Variants in ADAM19 observed in about 807,000 individuals in gnomAD.
ADAM19 encodes the protein ADAM metallopeptidase domain 19, also known as disintegrin and metalloproteinase domain-containing protein 19.
In ADAM19, 65 loss-of-function variants were observed where a neutral mutation model predicts 114.7. That is an observed-to-expected ratio of 0.57 (90% CI 0.46 to 0.70). ADAM19 has a LOEUF of 0.70. Ranked by LOEUF, ADAM19 falls within the 30% of genes least tolerant of loss-of-function variation. The probability of loss-of-function intolerance (pLI) is 0.00; values close to 1 mark genes in which losing one functional copy is unlikely to be tolerated. For synonymous variants in ADAM19, 466 were observed against 460.5 expected (o/e 1.01, Z -0.15); for missense variants, 1,063 against 1,204.7 (o/e 0.88, Z 1.74).
At position 157,564,324 on chromosome 5, in the gene ADAM19, G is replaced by C. The variant is rs775465408; in HGVS notation, c.251+49C>G. 52 of 1,564,676 alleles carry C rather than the reference G, an allele frequency of 3.3e-5. 1 individual carries two copies. In the South Asian group the frequency reaches 5.3e-4, roughly 16 times the overall value. On this transcript the variant is annotated intron_variant, in intron 3 of 22. Coordinates refer to ENST00000257527, the MANE Select transcript of ADAM19 (RefSeq NM_033274.5). Reference sequence around the variant, plus strand: ...AACAGCGACACCTGCGTCCGGCGTTGACACAGAAGTTATTTGTTTCATTTT... The same window carrying C: ...AACAGCGACACCTGCGTCCGGCGTTCACACAGAAGTTATTTGTTTCATTTT...
At chr5:157,567,302 C>T (rs369779913) in intron 2 of ADAM19, among the ~76,000 whole-genome samples, 2 of 152,192 alleles carry the variant, frequency 1.3e-5, no homozygotes, top group Non-Finnish European at 2.9e-5. Flanking sequence ...ACATTTCAAA[C>T]CCACCGAAGT....
intron 5 of ADAM19, among the ~76,000 whole-genome samples, chr5:157,529,296 G>C (rs950115551): frequency 4.7e-5 from 7 of 149,822 alleles, no homozygotes; most frequent in African/African-American, 1.7e-4. Flanking sequence ...TGAGATACCA[G>C]GTTTTTTAGA....
At chr5:157,530,167 C>T (rs1756584944) in intron 5 of ADAM19, among the ~76,000 whole-genome samples, 1 of 152,222 alleles carries the variant, frequency 6.6e-6, no homozygotes, top group Non-Finnish European at 1.5e-5. Flanking sequence ...TTCCCAGCTA[C>T]CTTGCCTTTC....
intron 8 of ADAM19, among the ~76,000 whole-genome samples, chr5:157,511,450 C>T (rs1055063052): frequency 7.9e-5 from 12 of 152,194 alleles, no homozygotes; most frequent in Non-Finnish European, 1.3e-4. Flanking sequence ...TTCAGTGCTG[C>T]AGTACCTACA....
intron 21 of ADAM19, among the ~76,000 whole-genome samples, 161 bp downstream of exon 21, chr5:157,488,104 C>T (rs372386464): frequency 3.3e-5 from 5 of 152,154 alleles, no homozygotes; most frequent in South Asian, 4.1e-4. Flanking sequence ...TCCCCACGTT[C>T]GTTGCTCTAA....
chr5:157,477,828 C>T lies in ADAM19; in HGVS notation c.*3121G>A. 1 of 840,250 alleles carries T rather than the reference C, an allele frequency of 1.2e-6. No individual in the cohort carries two copies. The highest frequency in any genetic ancestry group is 1.7e-6 in the Non-Finnish European group (1 of 582,134). 52.0% of individuals were successfully genotyped at this position (840,250 alleles called of 1,614,324 possible). A position where few individuals can be genotyped will look rare whatever the true frequency, so the allele number is the denominator to read the frequency against. ...TGCAGGAGGTGGGGAGGGGCTATTG[C>T]TTCAGGGGGAAGGGACTATGGCAAT... is the stretch of plus-strand genomic sequence containing the variant. On this transcript the variant is annotated 3_prime_UTR_variant, in exon 23 of 23. Transcript: ENST00000257527.
chr5:157,492,852 G>T, intron 16 of ADAM19, 121 bp downstream of exon 16: 2 of 1,016,424 alleles, frequency 2.0e-6, no homozygotes, highest in Non-Finnish European at 1.5e-6. Context: ...CATGAAGGGA[G>T]CCACCAAGGC....
In ADAM19 at chr5:157,477,647, G is replaced by A; in HGVS notation, c.*3302C>T. The A allele has an allele frequency of 7.8e-7, 1 of 1,288,832 alleles. No homozygotes were observed. Among genetic ancestry groups the A allele is most frequent in the Non-Finnish European group, 1.0e-6 (1 of 988,302 alleles). 79.8% of individuals were successfully genotyped at this position (1,288,832 alleles called of 1,614,324 possible). A position where few individuals can be genotyped will look rare whatever the true frequency, so the allele number is the denominator to read the frequency against. Reference sequence around the variant, plus strand: ...TGGCGTTCCCATGGCTTTCTTGGGTGTCCAGCAGAGCTGTTATACACGTGG... The same window carrying A: ...TGGCGTTCCCATGGCTTTCTTGGGTATCCAGCAGAGCTGTTATACACGTGG... On this transcript the variant is annotated 3_prime_UTR_variant, in exon 23 of 23. Coordinates refer to ENST00000257527, the MANE Select transcript of ADAM19 (RefSeq NM_033274.5).
chr5:157,485,045 C>T (rs533240624), intron 21 of ADAM19, among the ~76,000 whole-genome samples: 107 of 152,334 alleles, frequency 7.0e-4, no homozygotes, highest in African/African-American at 2.4e-3. Flanking sequence ...GGCCCATGCT[C>T]CCTTCCACAA....
chr5:157,489,373 A>G (rs1298967543), intron 19 of ADAM19, among the ~76,000 whole-genome samples, 187 bp from the exon 20 acceptor site: 2 of 152,112 alleles, frequency 1.3e-5, no homozygotes, highest in Non-Finnish European at 2.9e-5. Flanking sequence ...GCCAATGGAG[A>G]ACTCTCAAGG....
intron 22 of ADAM19, chr5:157,481,439 C>T: frequency 1.4e-6 from 1 of 717,084 alleles, no homozygotes; most frequent in Non-Finnish European, 2.2e-6. Context: ...AATGCACTTC[C>T]TTGCTCTTCA....
chr5:157,498,135 C>T (rs753590040), intron 13 of ADAM19, among the ~76,000 whole-genome samples: 1 of 152,216 alleles, frequency 6.6e-6, no homozygotes, highest in Non-Finnish European at 1.5e-5. Flanking sequence ...CAGACCCCCT[C>T]CCCTGCTCCT....
intron 3 of ADAM19, among the ~76,000 whole-genome samples, chr5:157,543,392 T>A (rs1372997235): frequency 6.6e-6 from 1 of 152,238 alleles, no homozygotes. Flanking sequence ...CTAGCTCTTA[T>A]AAGTCGTGTG....
intron 5 of ADAM19, among the ~76,000 whole-genome samples, chr5:157,522,125 C>G (rs560965126): frequency 6.6e-6 from 1 of 152,340 alleles, no homozygotes; most frequent in Non-Finnish European, 1.5e-5. Context: ...AGAGCCTTTG[C>G]TATGGACTTG....
At chr5:157,550,968 T>C (rs1042615972) in intron 3 of ADAM19, among the ~76,000 whole-genome samples, 1 of 152,228 alleles carries the variant, frequency 6.6e-6, no homozygotes, top group Non-Finnish European at 1.5e-5. Flanking sequence ...TGCATACACA[T>C]AGACTATAAT....
chr5:157,479,883 C>G lies in ADAM19; in HGVS notation c.*1066G>C. ...TGGGCTCCCTAAGGGGAAACCTCACCTAGATTTAGCTTAGAGTAAGGAGGA... is the reference window on the plus strand; with the variant it reads ...TGGGCTCCCTAAGGGGAAACCTCACGTAGATTTAGCTTAGAGTAAGGAGGA... On this transcript the variant is annotated 3_prime_UTR_variant, in exon 23 of 23. Transcript: ENST00000257527. The G allele has an allele frequency of 5.1e-6, 5 of 985,700 alleles. No individual in the cohort carries two copies. Among genetic ancestry groups the G allele is most frequent in the Non-Finnish European group, 6.0e-6 (5 of 829,992 alleles). The allele number at this position is 985,700 out of a possible 1,614,324, so 61.1% of individuals were successfully genotyped here.
intron 2 of ADAM19, among the ~76,000 whole-genome samples, chr5:157,567,845 C>G (rs1438587506): frequency 6.6e-6 from 1 of 151,834 alleles, no homozygotes; most frequent in Non-Finnish European, 1.5e-5. Context: ...GACACAGCAA[C>G]AGAGCTACAG....
intron 21 of ADAM19, among the ~76,000 whole-genome samples, chr5:157,487,869 G>A (rs540432147): frequency 7.9e-5 from 12 of 152,316 alleles, no homozygotes; most frequent in African/African-American, 1.9e-4. Flanking sequence ...TGGGAGAAGC[G>A]GCATCTAGGA....
intron 19 of ADAM19, among the ~76,000 whole-genome samples, 188 bp downstream of exon 19, chr5:157,490,122 A>AT (rs1755098522): frequency 6.6e-6 from 1 of 152,262 alleles, no homozygotes. Flanking sequence ...CAGAATCAGT[A>AT]GAGTACTTAC....
Sources: allele counts gnomAD v4.1 joint callset (sites outside exome capture counted in the v4.1 genomes callset), GRCh38; gene constraint gnomAD v4.1.1; transcripts MANE v1.5; gene names NCBI Gene and HGNC (gene_info 2026-07-23, HGNC 2026-07-21).